The following MEIS1 variants were observed in gnomAD, a reference collection of about 807,000 sequenced individuals.
MEIS1 encodes Meis homeobox 1.
Under a neutral mutation model 50.8 loss-of-function variants are expected in MEIS1, and 5 were observed. That is an observed-to-expected ratio of 0.10 (90% CI 0.05 to 0.21). The LOEUF is 0.21. Among genes scored for constraint, MEIS1 ranks in the 10% least tolerant of loss-of-function variants. The pLI is 1.00. For synonymous variants in MEIS1, 176 were observed against 179.3 expected (o/e 0.98, Z 0.15); for missense variants, 318 against 517.3 (o/e 0.61, Z 3.74).
chr2:66,550,017 C>T (rs1674881850), intron 9 of MEIS1, among the ~76,000 whole-genome samples: 1 of 152,092 alleles, frequency 6.6e-6, no homozygotes, highest in Non-Finnish European at 1.5e-5. Context: ...GATCACAATT[C>T]GACTTTCTCA....
chr2:66,499,115 G>A (rs1271935590), intron 7 of MEIS1, among the ~76,000 whole-genome samples: 1 of 152,164 alleles, frequency 6.6e-6, no homozygotes, highest in Non-Finnish European at 1.5e-5. Context: ...AGGAGAGAAG[G>A]TCAGATGCAA....
At chr2:66,466,140 AGAG>A (rs1419842010) in intron 7 of MEIS1, among the ~76,000 whole-genome samples, 1 of 152,226 alleles carries the variant, frequency 6.6e-6, no homozygotes, top group Non-Finnish European at 1.5e-5. Context: ...CCCACTTGAC[AGAG>A]GAGAAGAATA....
At chr2:66,455,790 T>C (rs1287261095) in intron 6 of MEIS1, among the ~76,000 whole-genome samples, 1 of 152,202 alleles carries the variant, frequency 6.6e-6, no homozygotes, top group Admixed American at 6.5e-5. Flanking sequence ...TTTAAAAATA[T>C]ATCTTACAGC....
rs186397850 is a variant in MEIS1, at chr2:66,543,268, C to T, written c.889-4675C>T. 1.6e-4 allele frequency among the ~76,000 whole-genome samples: 24 copies of T among 152,194 alleles called. No individual in the cohort carries two copies. In the South Asian group the frequency reaches 2.3e-3, roughly 14 times the overall value. ...CCCTAAGGATCATTTTATTCTTTGA[C>T]GGGGTCATTAAGCAATCACTCTATA... On this transcript the variant is annotated intron_variant, in intron 8 of 12. Coordinates refer to ENST00000272369, the MANE Select transcript of MEIS1 (RefSeq NM_002398.3).
At chr2:66,564,690 A>G (rs1675296503) in intron 9 of MEIS1, among the ~76,000 whole-genome samples, 1 of 152,112 alleles carries the variant, frequency 6.6e-6, no homozygotes, top group South Asian at 2.1e-4. Context: ...TTGTGCTGAT[A>G]AAACTATTAG....
At chr2:66,481,857 T>C (rs1006820723) in intron 7 of MEIS1, among the ~76,000 whole-genome samples, 57 of 145,126 alleles carry the variant, frequency 3.9e-4, no homozygotes, top group Non-Finnish European at 6.1e-4. Context: ...TTTCTTTTTT[T>C]TTTTTTTTTT....
intron 6 of MEIS1, among the ~76,000 whole-genome samples, chr2:66,452,180 C>T (rs1016091818): frequency 3.3e-5 from 5 of 151,822 alleles, no homozygotes; most frequent in East Asian, 1.9e-4. Flanking sequence ...TTATAATCCA[C>T]GCTTGAGAAT....
At chr2:66,473,505 A>G (rs1431114973) in intron 7 of MEIS1, among the ~76,000 whole-genome samples, 1 of 150,966 alleles carries the variant, frequency 6.6e-6, no homozygotes, top group African/African-American at 2.4e-5. Context: ...GTAGTGATAA[A>G]TGTAAGTCAT....
intron 8 of MEIS1, among the ~76,000 whole-genome samples, chr2:66,537,060 C>G (rs371198698): frequency 2.0e-5 from 3 of 152,168 alleles, no homozygotes; most frequent in African/African-American, 7.2e-5. Context: ...GGAATGTTCA[C>G]ATACTTGGCT....
At chr2:66,496,412 C>G (rs1307568217) in intron 7 of MEIS1, among the ~76,000 whole-genome samples, 1 of 151,922 alleles carries the variant, frequency 6.6e-6, no homozygotes, top group Non-Finnish European at 1.5e-5. Flanking sequence ...CTTTTTTGCT[C>G]TTCTCTGGTC....
chr2:66,571,335 CCCCCCCATCCTGCTCAGCTGCGTCATGGG>C lies in MEIS1; in HGVS notation c.*136_*164del. The C allele has an allele frequency of 6.3e-7, 1 of 1,595,846 alleles. No individual in the cohort carries two copies. Among genetic ancestry groups the C allele is most frequent in the Non-Finnish European group, 8.5e-7 (1 of 1,170,576 alleles). On this transcript the variant is annotated 3_prime_UTR_variant, in exon 13 of 13. Coordinates refer to ENST00000272369, the MANE Select transcript of MEIS1 (RefSeq NM_002398.3). ...GCCAAGTTATACCCAACCCCAGATG[CCCCCCCATCCTGCTCAGCTGCGTCATGGG>C]CCCCCCATGCATACGTACATTCCTG...
intron 8 of MEIS1, among the ~76,000 whole-genome samples, chr2:66,541,262 C>T (rs1283114118): frequency 6.6e-6 from 1 of 152,114 alleles, no homozygotes; most frequent in African/African-American, 2.4e-5. Context: ...TGGTCTCGAT[C>T]TCCTGACCTT....
Position 66,573,862 on chromosome 2 carries a change from A to T in MEIS1, c.*2654A>T, listed in dbSNP as rs929474509. 1 of 152,154 alleles carries T rather than the reference A, an allele frequency of 6.6e-6. No homozygotes were observed. The highest frequency in any genetic ancestry group is 1.5e-5 in the Non-Finnish European group (1 of 68,040). The allele number at this position is 152,154 out of a possible 1,614,324, so 9.4% of individuals were successfully genotyped here. ...TTTAACAATTAATAATAAACTTTAT[A>T]AACTGTCTATTTGCTCCTCCTCTCC... On this transcript the variant is annotated 3_prime_UTR_variant, in exon 13 of 13. Coordinates refer to ENST00000272369, the MANE Select transcript of MEIS1 (RefSeq NM_002398.3).
intron 7 of MEIS1, among the ~76,000 whole-genome samples, chr2:66,498,118 T>C (rs1404474092): frequency 6.6e-6 from 1 of 152,106 alleles, no homozygotes; most frequent in African/African-American, 2.4e-5. Flanking sequence ...AGAGTAGCAA[T>C]GGTCATTTTG....
chr2:66,452,245 A>C (rs951381444), intron 6 of MEIS1, among the ~76,000 whole-genome samples: 2 of 151,898 alleles, frequency 1.3e-5, no homozygotes, highest in Admixed American at 1.3e-4. Flanking sequence ...TTTTATTTCA[A>C]ATTGCTCCTT....
intron 8 of MEIS1, among the ~76,000 whole-genome samples, chr2:66,541,396 TTATAAA>T (rs1674649232): frequency 6.6e-6 from 1 of 152,200 alleles, no homozygotes; most frequent in Admixed American, 6.5e-5. Flanking sequence ...CTACTGTGTA[TTATAAA>T]TATAGTCTTA....
At chr2:66,524,995 C>CCCAGGAATTCAAGA (rs1464711982) in intron 8 of MEIS1, among the ~76,000 whole-genome samples, 1 of 152,094 alleles carries the variant, frequency 6.6e-6, no homozygotes, top group Non-Finnish European at 1.5e-5. Context: ...ATTGCTTGAG[C>CCCAGGAATTCAAGA]CCAGGAATTC....
intron 8 of MEIS1, among the ~76,000 whole-genome samples, chr2:66,515,644 G>A (rs1248815043): frequency 2.0e-5 from 3 of 152,072 alleles, no homozygotes; most frequent in Admixed American, 6.5e-5. Context: ...GTGATTATGG[G>A]GTAAGAAGAA....
intron 9 of MEIS1, among the ~76,000 whole-genome samples, chr2:66,555,280 C>CTCTCTCTCTCT (rs10695722): frequency 0.36 from 48,486 of 133,428 alleles, 9,673 homozygotes; most frequent in East Asian, 0.47. Flanking sequence ...CTCTCTCTCT[C>CTCTCTCTCTCT]GTCTCTCTCC....
Sources: allele counts gnomAD v4.1 joint callset (sites outside exome capture counted in the v4.1 genomes callset), GRCh38; gene constraint gnomAD v4.1.1; transcripts MANE v1.5; gene names NCBI Gene and HGNC (gene_info 2026-07-23, HGNC 2026-07-21).